The following AHI1 variants were observed in gnomAD, a reference collection of about 807,000 sequenced individuals.
AHI1 encodes the protein Abelson helper integration site 1.
AHI1 carries 123 observed loss-of-function variants against 149.3 expected under a neutral mutation model. The observed-to-expected ratio is 0.82, with a 90% CI of 0.71 to 0.96. The LOEUF (loss-of-function observed/expected upper bound fraction) is 0.96. Ranked by LOEUF, AHI1 falls within the 40% of genes least tolerant of loss-of-function variation. The pLI, the probability that AHI1 is intolerant of heterozygous loss-of-function variation, is 0.00. For synonymous variants in AHI1, 475 were observed against 459.8 expected (o/e 1.03, Z -0.42); for missense variants, 1,439 against 1,422.7 (o/e 1.01, Z -0.18).
chr6:135,469,383 A>C (rs1234345939), intron 5 of AHI1, among the ~76,000 whole-genome samples: 2 of 152,182 alleles, frequency 1.3e-5, no homozygotes, highest in Non-Finnish European at 2.9e-5. Flanking sequence ...ATTTATGACA[A>C]ATCCACAGTC....
At chr6:135,439,057 A>G (rs1785854104) in intron 14 of AHI1, among the ~76,000 whole-genome samples, 1 of 152,182 alleles carries the variant, frequency 6.6e-6, no homozygotes, top group Non-Finnish European at 1.5e-5. Context: ...AATGAAATCT[A>G]AGATAGTAAC....
intron 20 of AHI1, among the ~76,000 whole-genome samples, chr6:135,426,384 T>C (rs1184690251): frequency 1.3e-5 from 2 of 151,788 alleles, no homozygotes; most frequent in Non-Finnish European, 3.0e-5. Context: ...CACACTGTGA[T>C]CAAGAACTTC....
chr6:135,340,101 G>A (rs1030577082), intron 24 of AHI1, among the ~76,000 whole-genome samples: 13 of 152,222 alleles, frequency 8.5e-5, no homozygotes, highest in South Asian at 2.1e-4. Flanking sequence ...GCCAGGTGCC[G>A]TGGCTCACGC....
At position 135,442,515 on chromosome 6, in the gene AHI1, T is replaced by TAA. The variant is rs1044077357; in HGVS notation, c.1912+65_1912+66dup. 53 of 1,462,692 alleles carry TAA rather than the reference T, an allele frequency of 3.6e-5. No individual in the cohort carries two copies. In the Admixed American group the frequency reaches 9.8e-4, roughly 27 times the overall value. 90.6% of individuals were successfully genotyped at this position (1,462,692 alleles called of 1,614,324 possible). A position where few individuals can be genotyped will look rare whatever the true frequency, so the allele number is the denominator to read the frequency against. Reference sequence around the variant, plus strand: ...ACTCAAGTTAAGATTTCCATGAATTTAAAAAAACTAAAGAATGTCCTCCAC... The same window carrying TAA: ...ACTCAAGTTAAGATTTCCATGAATTTAAAAAAAAACTAAAGAATGTCCTCCAC... On this transcript the variant is annotated intron_variant, in intron 14 of 28. Coordinates refer to ENST00000265602, the MANE Select transcript of AHI1 (RefSeq NM_001134831.2).
In AHI1 at chr6:135,439,764, A is replaced by G. The variant is rs922468379; in HGVS notation, c.1913-1266T>C. Among the ~76,000 whole-genome samples the G allele has an allele frequency of 2.0e-5, 3 of 152,176 alleles. No individual in the cohort carries two copies. In the East Asian group the frequency reaches 5.8e-4, roughly 29 times the overall value. On this transcript the variant is annotated intron_variant, in intron 14 of 28. Transcript: ENST00000265602. ...AAATCTGTGGGTGGAAAGCATGAGC[A>G]TACATGTGTTTCTACTGATGGCAAT...
At chr6:135,452,871 A>C (rs763521975) in intron 11 of AHI1, among the ~76,000 whole-genome samples, 29 of 152,054 alleles carry the variant, frequency 1.9e-4, no homozygotes, top group Non-Finnish European at 4.0e-4. Flanking sequence ...CTTCCTCAGG[A>C]ATGTTTTCCC....
Position 135,302,640 on chromosome 6 carries a change from G to C in AHI1, c.3427-2082C>G. 5 of 1,165,038 alleles carry C rather than the reference G, an allele frequency of 4.3e-6. No individual in the cohort carries two copies. In the South Asian group the frequency reaches 6.9e-5, roughly 16 times the overall value. 72.2% of individuals were successfully genotyped at this position (1,165,038 alleles called of 1,614,324 possible). ...GTTAGAAGGGGGTCCACATTACAAA[G>C]TTTACCACTTACTTGAAAAGGACAC... On this transcript the variant is annotated intron_variant, in intron 26 of 28. Coordinates refer to ENST00000265602, the MANE Select transcript of AHI1 (RefSeq NM_001134831.2).
chr6:135,323,444 A>G (rs1787180076), intron 24 of AHI1, 120 bp from the exon 25 acceptor site: 2 of 1,069,440 alleles, frequency 1.9e-6, no homozygotes, highest in Admixed American at 2.5e-5. Flanking sequence ...GGTAAGTGTG[A>G]GGCTGTCTCA....
intron 14 of AHI1, among the ~76,000 whole-genome samples, chr6:135,442,178 A>G (rs923051213): frequency 6.6e-6 from 1 of 152,156 alleles, no homozygotes; most frequent in African/African-American, 2.4e-5. Flanking sequence ...TCTTGAGTCA[A>G]TTATTGGTAT....
At chr6:135,424,632 A>G (rs1783682676) in intron 20 of AHI1, among the ~76,000 whole-genome samples, 1 of 152,040 alleles carries the variant, frequency 6.6e-6, no homozygotes, top group Non-Finnish European at 1.5e-5. Flanking sequence ...AGTAGAATGA[A>G]AGACCCAAAA....
chr6:135,292,109 TAC>T (rs10646107), intron 27 of AHI1, among the ~76,000 whole-genome samples: 2,148 of 147,390 alleles, frequency 0.015, 27 homozygotes, highest in African/African-American at 0.038. Flanking sequence ...GGCAGCTAAT[TAC>T]ACACACACAC....
rs528483941 is a variant in AHI1, at chr6:135,387,576, C to T, written c.3109+7200G>A. Reference sequence around the variant, plus strand: ...CAAGTTTAAGATGCTTGACAACTTTCTTCTTGAAATTACTTCATCTTAATG... The same window carrying T: ...CAAGTTTAAGATGCTTGACAACTTTTTTCTTGAAATTACTTCATCTTAATG... On this transcript the variant is annotated intron_variant, in intron 23 of 28. Transcript: ENST00000265602. 2.0e-4 allele frequency among the ~76,000 whole-genome samples: 30 copies of T among 152,294 alleles called. No individual in the cohort carries two copies. In the South Asian group the frequency reaches 5.6e-3, roughly 28 times the overall value.
intron 21 of AHI1, among the ~76,000 whole-genome samples, chr6:135,410,717 A>G (rs1268526020): frequency 1.3e-5 from 2 of 152,178 alleles, no homozygotes; most frequent in African/African-American, 4.8e-5. Flanking sequence ...CTAAAATCAA[A>G]ATCTTGGGAC....
At chr6:135,381,937 AAT>A (rs1196380812) in intron 23 of AHI1, among the ~76,000 whole-genome samples, 1 of 152,192 alleles carries the variant, frequency 6.6e-6, no homozygotes, top group African/African-American at 2.4e-5. Flanking sequence ...AAATATTAAA[AAT>A]GTTTTTATTT....
At chr6:135,290,611 G>A in intron 27 of AHI1, 86 bp from the exon 28 acceptor site, 2 of 1,398,874 alleles carry the variant, frequency 1.4e-6, no homozygotes, top group Non-Finnish European at 2.0e-6. Flanking sequence ...TAGGGCCGTG[G>A]CAGTGGAAAC....
At chr6:135,364,351 G>A (rs1183742634) in intron 23 of AHI1, among the ~76,000 whole-genome samples, 151 of 140,400 alleles carry the variant, frequency 1.1e-3, no homozygotes, top group African/African-American at 2.3e-3. Context: ...GGGAAGAGGC[G>A]CTCCTCACTT....
intron 20 of AHI1, among the ~76,000 whole-genome samples, chr6:135,416,654 C>T (rs939146731): frequency 2.0e-5 from 3 of 151,830 alleles, no homozygotes; most frequent in Admixed American, 6.6e-5. Context: ...TACAAAAGGA[C>T]GACCACTTTT....
intron 19 of AHI1, among the ~76,000 whole-genome samples, chr6:135,427,718 G>A (rs1031091943): frequency 6.6e-6 from 1 of 151,164 alleles, no homozygotes; most frequent in Non-Finnish European, 1.5e-5. Flanking sequence ...CTTTGGTGAA[G>A]GATTAACTTT....
intron 20 of AHI1, among the ~76,000 whole-genome samples, chr6:135,423,199 T>C (rs1783459139): frequency 6.6e-6 from 1 of 152,180 alleles, no homozygotes; most frequent in African/African-American, 2.4e-5. Flanking sequence ...AGTAAATGCT[T>C]GATAAATGTT....
Sources: gnomAD v4.1 joint callset for allele counts (sites outside exome capture counted in the v4.1 genomes callset) on GRCh38, gnomAD v4.1.1 for gene constraint, MANE v1.5 for transcripts, NCBI Gene and HGNC (gene_info 2026-07-23, HGNC 2026-07-21) for gene names.